Variants in ASTN2 observed in about 807,000 individuals in gnomAD.
ASTN2 encodes the protein astrotactin-2.
ASTN2 carries 54 observed loss-of-function variants against 139.8 expected under a neutral mutation model. The ratio of observed to expected loss-of-function variants is 0.39; its 90% CI spans 0.31 to 0.48. The LOEUF (loss-of-function observed/expected upper bound fraction) is 0.48, where lower values mean the gene tolerates loss of function less well. Ranked by LOEUF, ASTN2 falls within the 20% of genes least tolerant of loss-of-function variation. The pLI, the probability that ASTN2 is intolerant of heterozygous loss-of-function variation, is 0.95. For missense variants in ASTN2, 1,565 were observed against 1,725.1 expected (o/e 0.91, Z 1.64); for synonymous variants, 756 against 719.5 (o/e 1.05, Z -0.81).
chr9:117,259,345 C>G (rs1055799072), intron 2 of ASTN2, among the ~76,000 whole-genome samples: 1 of 152,050 alleles, frequency 6.6e-6, no homozygotes. Flanking sequence ...CTGAATGGAC[C>G]CCTCCTCTCG....
intron 6 of ASTN2, among the ~76,000 whole-genome samples, chr9:117,021,784 C>T (rs1837889134): frequency 6.6e-6 from 1 of 152,060 alleles, no homozygotes; most frequent in South Asian, 2.1e-4. Context: ...ATTAAATTTC[C>T]CTTGTTTCAG....
chr9:116,791,027 GAA>G (rs1315262437), intron 13 of ASTN2, among the ~76,000 whole-genome samples: 1 of 123,884 alleles, frequency 8.1e-6, no homozygotes, highest in African/African-American at 3.0e-5. Context: ...AAGAAAGAAA[GAA>G]AGAAAGAAAG....
chr9:116,547,727 C>T (rs1852159633), intron 19 of ASTN2: 1 of 152,174 alleles, frequency 6.6e-6, no homozygotes. Context: ...ACTAAGATCC[C>T]AACCAAGGTC....
intron 2 of ASTN2, among the ~76,000 whole-genome samples, chr9:117,289,187 A>G (rs1834523598): frequency 6.6e-6 from 1 of 152,138 alleles, no homozygotes; most frequent in Non-Finnish European, 1.5e-5. Flanking sequence ...GAGGGCAGGG[A>G]CAGGAGAGAT....
chr9:117,055,541 A>T (rs2132674992), intron 5 of ASTN2, among the ~76,000 whole-genome samples: 1 of 152,332 alleles, frequency 6.6e-6, no homozygotes, highest in African/African-American at 2.4e-5. Flanking sequence ...TACAATATCT[A>T]CCTCCAGAAT....
chr9:117,307,472 T>C (rs1344396267), intron 1 of ASTN2, among the ~76,000 whole-genome samples: 2 of 152,228 alleles, frequency 1.3e-5, no homozygotes, highest in East Asian at 3.9e-4. Context: ...TGCATCCTCA[T>C]GTAGATATGC....
Position 116,956,094 on chromosome 9 carries a change from C to CTT in ASTN2, c.1889+19112_1889+19113dup, listed in dbSNP as rs71379245. Among the ~76,000 whole-genome samples, 700 of 119,062 alleles carry CTT rather than the reference C, an allele frequency of 5.9e-3. 10 individuals are homozygous for CTT. The highest frequency in any genetic ancestry group is 7.2e-3 in the African/African-American group (229 of 31,992). 78.1% of individuals were successfully genotyped at this position (119,062 alleles called of 152,430 possible). A position where few individuals can be genotyped will look rare whatever the true frequency, so the allele number is the denominator to read the frequency against. On this transcript the variant is annotated intron_variant, in intron 10 of 22. Coordinates refer to ENST00000313400, the MANE Select transcript of ASTN2 (RefSeq NM_001365068.1). ...CAGAACTCTTTTTTCTTTTTCTTTT[C>CTT]TTTTTTTTTTTTTTTTTTGAGATGG... is the stretch of plus-strand genomic sequence containing the variant.
intron 6 of ASTN2, among the ~76,000 whole-genome samples, chr9:117,008,533 A>G (rs1837424742): frequency 6.6e-6 from 1 of 152,168 alleles, no homozygotes; most frequent in African/African-American, 2.4e-5. Flanking sequence ...CTTACTAGGC[A>G]TTGACTTTGG....
chr9:116,613,799 T>C (rs554077360), intron 19 of ASTN2, among the ~76,000 whole-genome samples: 21 of 152,166 alleles, frequency 1.4e-4, no homozygotes, highest in Non-Finnish European at 2.8e-4. Flanking sequence ...GGAAGCATTC[T>C]CTTTGAAAAC....
chr9:117,306,736 T>C (rs1261317201), intron 1 of ASTN2, among the ~76,000 whole-genome samples: 2 of 152,096 alleles, frequency 1.3e-5, no homozygotes, highest in Non-Finnish European at 2.9e-5. Context: ...GAATAGGAAC[T>C]AGGAGAAGGG....
At chr9:116,796,125 G>A (rs1464825753) in intron 13 of ASTN2, among the ~76,000 whole-genome samples, 2 of 152,150 alleles carry the variant, frequency 1.3e-5, no homozygotes, top group Admixed American at 1.3e-4. Context: ...ATATGAAACA[G>A]GTTCCAATTC....
At chr9:117,033,073 A>G (rs1838290193) in intron 6 of ASTN2, among the ~76,000 whole-genome samples, 1 of 152,192 alleles carries the variant, frequency 6.6e-6, no homozygotes. Flanking sequence ...GTTTTCACCC[A>G]TTTCTGAGCC....
intron 4 of ASTN2, among the ~76,000 whole-genome samples, chr9:117,127,882 G>C (rs1001904941): frequency 6.6e-6 from 1 of 151,666 alleles, no homozygotes; most frequent in Non-Finnish European, 1.5e-5. Context: ...GGGTTTCACT[G>C]TTTTAGCCAG....
intron 20 of ASTN2, among the ~76,000 whole-genome samples, chr9:116,485,215 C>T (rs1346931759): frequency 1.3e-5 from 2 of 152,106 alleles, no homozygotes; most frequent in Admixed American, 1.3e-4. Flanking sequence ...CTCCTGGGGT[C>T]CCTGTGAGCC....
chr9:116,513,028 T>C (rs1275154622), intron 19 of ASTN2, among the ~76,000 whole-genome samples: 1 of 152,208 alleles, frequency 6.6e-6, no homozygotes, highest in Non-Finnish European at 1.5e-5. Flanking sequence ...TATGTGTGAG[T>C]TTGATCCTGT....
intron 1 of ASTN2, among the ~76,000 whole-genome samples, chr9:117,337,838 A>T (rs1045615399): frequency 5.3e-5 from 8 of 152,130 alleles, no homozygotes; most frequent in Non-Finnish European, 1.2e-4. Flanking sequence ...TATCCAAGGC[A>T]TGGGGGTGGG....
chr9:116,467,022 C>T (rs1848666916), intron 20 of ASTN2, among the ~76,000 whole-genome samples: 1 of 152,080 alleles, frequency 6.6e-6, no homozygotes, highest in Non-Finnish European at 1.5e-5. Context: ...CTCTCATGTT[C>T]CTGCCTCTCA....
chr9:116,841,613 A>G (rs1211408713), intron 11 of ASTN2, among the ~76,000 whole-genome samples: 1 of 152,204 alleles, frequency 6.6e-6, no homozygotes. Context: ...ACTGTCAGTC[A>G]CAAAGAATAG....
chr9:116,502,698 G>A (rs369988608), intron 19 of ASTN2, among the ~76,000 whole-genome samples: 6 of 33,078 alleles, frequency 1.8e-4, no homozygotes, highest in African/African-American at 6.9e-4. Context: ...AAGGAAGGAA[G>A]GAAGGAAGGA....
Sources: gnomAD v4.1 joint callset for allele counts (sites outside exome capture counted in the v4.1 genomes callset) on GRCh38, gnomAD v4.1.1 for gene constraint, MANE v1.5 for transcripts, NCBI Gene and HGNC (gene_info 2026-07-23, HGNC 2026-07-21) for gene names.